Variants in MCU observed in about 807,000 individuals in gnomAD.
MCU encodes the protein calcium uniporter protein, mitochondrial.
MCU carries 12 observed loss-of-function variants against 45.2 expected under a neutral mutation model. The ratio of observed to expected loss-of-function variants is 0.27; its 90% confidence interval spans 0.17 to 0.43. The LOEUF is 0.43. MCU is among the 20% of genes least tolerant of loss of function. The pLI is 1.00. For missense variants in MCU, 324 were observed against 436.7 expected, an observed-to-expected ratio of 0.74 and a Z score of 2.30; for synonymous variants, 160 against 165.1, an observed-to-expected ratio of 0.97 and a Z score of 0.24.
rs537656075 is a variant in MCU at position 72,873,232 on chromosome 10, A to T, written c.861+1652A>T. Among the ~76,000 whole-genome samples, 174 of 151,622 alleles carry T rather than the reference A, an allele frequency of 1.1e-3. 1 individual carries two copies. Among genetic ancestry groups the T allele is most frequent in the African/African-American group, 4.0e-3 (166 of 41,332 alleles). Reference sequence around the variant, plus strand: ...ACGGGGTTTCACCGTCTTAGCCAGGATGGTCTCGATCTCCTGACCTCGTGA... The same window carrying T: ...ACGGGGTTTCACCGTCTTAGCCAGGTTGGTCTCGATCTCCTGACCTCGTGA... On this transcript the variant is annotated intron_variant, in intron 6 of 7. Transcript: ENST00000373053.
chr10:72,755,387 AC>A (rs1843560552), intron 1 of MCU, among the ~76,000 whole-genome samples: 4 of 152,026 alleles, frequency 2.6e-5, no homozygotes, highest in Admixed American at 6.6e-5. Context: ...ACCTCAGGTG[AC>A]CCACCCGCCT....
intron 1 of MCU, chr10:72,708,369 A>G (rs1842849483): frequency 6.6e-6 from 1 of 152,240 alleles, no homozygotes; most frequent in African/African-American, 2.4e-5. Context: ...CAGAGTATTG[A>G]AGTAAGATGG....
intron 1 of MCU, among the ~76,000 whole-genome samples, chr10:72,754,022 A>T (rs1203782526): frequency 6.6e-6 from 1 of 152,190 alleles, no homozygotes; most frequent in Non-Finnish European, 1.5e-5. Flanking sequence ...GCAAGTAGCA[A>T]TTGTTATATG....
intron 1 of MCU, among the ~76,000 whole-genome samples, chr10:72,802,409 T>TAAAAAA (rs369833125): frequency 7.3e-6 from 1 of 136,406 alleles, no homozygotes; most frequent in Non-Finnish European, 1.6e-5. Flanking sequence ...GAGCTTTCTT[T>TAAAAAA]AAAAAAAAAA....
chr10:72,749,302 A>G (rs1246054272), intron 1 of MCU, among the ~76,000 whole-genome samples: 1 of 152,028 alleles, frequency 6.6e-6, no homozygotes, highest in African/African-American at 2.4e-5. Context: ...TCAAAAACCA[A>G]CTTGAGAATG....
chr10:72,770,608 G>A (rs1477803400), intron 1 of MCU, among the ~76,000 whole-genome samples: 1 of 151,850 alleles, frequency 6.6e-6, no homozygotes, highest in Non-Finnish European at 1.5e-5. Context: ...GGAGAGCAAG[G>A]ATTTTTTATA....
intron 1 of MCU, among the ~76,000 whole-genome samples, chr10:72,812,877 C>A (rs1351934510): frequency 6.6e-6 from 1 of 152,078 alleles, no homozygotes; most frequent in Non-Finnish European, 1.5e-5. Flanking sequence ...TGAGTAAATT[C>A]AAAAATATGC....
intron 2 of MCU, among the ~76,000 whole-genome samples, chr10:72,858,015 C>T (rs1454585943): frequency 6.6e-6 from 1 of 152,054 alleles, no homozygotes; most frequent in Non-Finnish European, 1.5e-5. Flanking sequence ...TGAAGAATGG[C>T]GAGGTTCATA....
intron 2 of MCU, among the ~76,000 whole-genome samples, chr10:72,846,303 G>A (rs934612802): frequency 6.6e-6 from 1 of 152,206 alleles, no homozygotes; most frequent in Middle Eastern, 3.4e-3. Context: ...TCAGCTTCCC[G>A]AAGTGCTGGG....
intron 1 of MCU, among the ~76,000 whole-genome samples, chr10:72,704,599 A>G (rs1486488586): frequency 6.6e-6 from 1 of 151,652 alleles, no homozygotes; most frequent in Non-Finnish European, 1.5e-5. Context: ...AGTTCATGGC[A>G]CCATTATAAA....
At chr10:72,707,726 TC>T (rs1842841992) in intron 1 of MCU, among the ~76,000 whole-genome samples, 1 of 152,042 alleles carries the variant, frequency 6.6e-6, no homozygotes, top group South Asian at 2.1e-4. Flanking sequence ...TCCTCTTTGT[TC>T]CGTTAACTTG....
intron 1 of MCU, among the ~76,000 whole-genome samples, chr10:72,742,342 A>G (rs542627989): frequency 6.6e-5 from 10 of 152,216 alleles, no homozygotes; most frequent in African/African-American, 2.4e-4. Flanking sequence ...GTATATCCCC[A>G]TTGTGAAGGA....
At chr10:72,700,172 G>A (rs3009554) in intron 1 of MCU, among the ~76,000 whole-genome samples, 77,186 of 150,888 alleles carry the variant, frequency 0.51, 21,994 homozygotes, top group Non-Finnish European at 0.67. Flanking sequence ...CGATTCTCCT[G>A]TCTCAGCCTC....
intron 2 of MCU, among the ~76,000 whole-genome samples, chr10:72,845,968 C>T (rs949218559): frequency 6.6e-6 from 1 of 152,194 alleles, no homozygotes; most frequent in Non-Finnish European, 1.5e-5. Flanking sequence ...CCCCTTTTTC[C>T]ATGGCTTCAC....
intron 1 of MCU, among the ~76,000 whole-genome samples, chr10:72,780,511 AGTGTGTGT>A (rs60306247): frequency 5.0e-4 from 55 of 110,660 alleles, no homozygotes; most frequent in African/African-American, 9.0e-4. Flanking sequence ...TCTTTGGCTA[AGTGTGTGT>A]GTGTGTGTGT....
At chr10:72,733,459 A>C (rs1220248279) in intron 1 of MCU, among the ~76,000 whole-genome samples, 1 of 152,138 alleles carries the variant, frequency 6.6e-6, no homozygotes, top group Non-Finnish European at 1.5e-5. Flanking sequence ...TCTGTCTCAA[A>C]AACAACAACA....
intron 1 of MCU, among the ~76,000 whole-genome samples, chr10:72,764,017 C>T (rs1343918815): frequency 1.3e-5 from 2 of 152,116 alleles, no homozygotes; most frequent in Non-Finnish European, 2.9e-5. Context: ...TAGCCATTTA[C>T]CATCAGTAAA....
At chr10:72,696,915 T>C (rs924093058) in intron 1 of MCU, among the ~76,000 whole-genome samples, 4 of 152,176 alleles carry the variant, frequency 2.6e-5, no homozygotes, top group Non-Finnish European at 1.5e-5. Context: ...CACTTCTTTA[T>C]GGTGGATTGA....
intron 1 of MCU, among the ~76,000 whole-genome samples, chr10:72,775,544 T>C (rs1843878415): frequency 6.6e-6 from 1 of 151,804 alleles, no homozygotes. Flanking sequence ...AAAGTAGAAA[T>C]AAATGAAATC....
Sources: gnomAD v4.1 joint callset for allele counts (sites outside exome capture counted in the v4.1 genomes callset) on GRCh38, gnomAD v4.1.1 for gene constraint, MANE v1.5 for transcripts, NCBI Gene and HGNC (gene_info 2026-07-23, HGNC 2026-07-21) for gene names.